NTNG1: variants seen among roughly 807,000 people sequenced by gnomAD.
NTNG1 encodes netrin G1, also known as netrin-G1.
A neutral mutation model predicts 54.0 loss-of-function variants in NTNG1; 16 were observed. The observed-to-expected ratio is 0.30, with a 90% CI of 0.20 to 0.45. NTNG1 has a LOEUF of 0.45. Ranked by LOEUF, NTNG1 falls within the 20% of genes least tolerant of loss-of-function variation. NTNG1 has a pLI of 1.00. For missense variants in NTNG1, 530 were observed against 678.7 expected (o/e 0.78, Z 2.43); for synonymous variants, 255 against 263.1 (o/e 0.97, Z 0.30).
intron 2 of NTNG1, among the ~76,000 whole-genome samples, chr1:107,213,702 T>G (rs2101401450): frequency 6.6e-6 from 1 of 152,278 alleles, no homozygotes; most frequent in African/African-American, 2.4e-5. Context: ...TGGCTATATG[T>G]CTTTGTTCTT....
intron 3 of NTNG1, among the ~76,000 whole-genome samples, chr1:107,380,495 C>T (rs1024893254): frequency 6.6e-6 from 1 of 152,032 alleles, no homozygotes; most frequent in Non-Finnish European, 1.5e-5. Context: ...TTTCTTGTAT[C>T]TCTCTCATAA....
chr1:107,269,220 G>A (rs571488491), intron 2 of NTNG1, among the ~76,000 whole-genome samples: 1 of 152,098 alleles, frequency 6.6e-6, no homozygotes, highest in Non-Finnish European at 1.5e-5. Context: ...CATCTTCAAG[G>A]ATGCCTTCAC....
At chr1:107,260,931 A>G (rs1299719909) in intron 2 of NTNG1, 1 of 152,196 alleles carries the variant, frequency 6.6e-6, no homozygotes, top group Non-Finnish European at 1.5e-5. Flanking sequence ...TCCAGCTGGG[A>G]CTACTCACCA....
intron 2 of NTNG1, among the ~76,000 whole-genome samples, chr1:107,272,032 A>C (rs1664178356): frequency 6.6e-6 from 1 of 152,194 alleles, no homozygotes; most frequent in Non-Finnish European, 1.5e-5. Flanking sequence ...AGTGATGCAG[A>C]AAACTTTTAA....
At position 107,346,884 on chromosome 1, in the gene NTNG1, T is replaced by TA. The variant is rs537482440; in HGVS notation, c.887+21987dup. On this transcript the variant is annotated intron_variant, in intron 3 of 7. Coordinates refer to ENST00000370068, the MANE Select transcript of NTNG1 (RefSeq NM_001113226.3). ...CTCTGCCATGATCTCTTTTCTATCC[T>TA]AAAAAAAAAAAAAAAAAAAAAAAAA... Among the ~76,000 whole-genome samples, 399 of 97,128 alleles carry TA rather than the reference T, an allele frequency of 4.1e-3. 3 individuals are homozygous for TA. Among genetic ancestry groups the TA allele is most frequent in the African/African-American group, 6.9e-3 (176 of 25,512 alleles). The allele number at this position is 97,128 out of a possible 152,430, so 63.7% of individuals were successfully genotyped here.
intron 2 of NTNG1, among the ~76,000 whole-genome samples, chr1:107,312,661 T>C (rs533573628): frequency 5.1e-4 from 77 of 152,248 alleles, no homozygotes; most frequent in African/African-American, 1.8e-3. Context: ...TAAATACAGG[T>C]TCCTGGGTCC....
chr1:107,349,879 C>A (rs1669498268), intron 3 of NTNG1, among the ~76,000 whole-genome samples: 1 of 151,984 alleles, frequency 6.6e-6, no homozygotes, highest in Non-Finnish European at 1.5e-5. Context: ...TTATAGATAT[C>A]CTTGTTAAGA....
intron 3 of NTNG1, among the ~76,000 whole-genome samples, chr1:107,354,169 T>C (rs1324839819): frequency 6.6e-6 from 1 of 151,960 alleles, no homozygotes; most frequent in African/African-American, 2.4e-5. Context: ...TGAATAGTTG[T>C]AGAGATATAG....
Position 107,422,395 on chromosome 1 carries a change from A to G in NTNG1, c.1088-8355A>G, listed in dbSNP as rs552336928. ...AGTTCATCTCTTTTCTGTCATGTCA[A>G]GCATGCTAGATATATAAGAGGCCTC... On this transcript the variant is annotated intron_variant, in intron 5 of 7. Coordinates refer to ENST00000370068, the MANE Select transcript of NTNG1 (RefSeq NM_001113226.3). Among the ~76,000 whole-genome samples, 4 of 152,168 alleles carry G rather than the reference A, an allele frequency of 2.6e-5. No individual in the cohort carries two copies. In the East Asian group the frequency reaches 5.8e-4, roughly 22 times the overall value.
intron 5 of NTNG1, among the ~76,000 whole-genome samples, chr1:107,422,036 T>G (rs1674605683): frequency 6.6e-6 from 1 of 152,102 alleles, no homozygotes; most frequent in Non-Finnish European, 1.5e-5. Context: ...AATGTTGAAT[T>G]TGTCCTTCCA....
intron 2 of NTNG1, among the ~76,000 whole-genome samples, chr1:107,212,677 A>T (rs1354949430): frequency 2.0e-5 from 3 of 152,178 alleles, no homozygotes; most frequent in Admixed American, 1.3e-4. Flanking sequence ...AGCCCGAACA[A>T]TCTGCCCTCC....
In NTNG1 at chr1:107,234,283, C is replaced by T. The variant is rs184782383; in HGVS notation, c.246+85444C>T. On this transcript the variant is annotated intron_variant, in intron 2 of 7. Coordinates refer to ENST00000370068, the MANE Select transcript of NTNG1 (RefSeq NM_001113226.3). ...GATTACAGATACCTGACACCAGGCC[C>T]GGCTAATTTTTATATTTTTAGTAGA... Among the ~76,000 whole-genome samples, 93 of 152,072 alleles carry T rather than the reference C, an allele frequency of 6.1e-4. 2 individuals are homozygous for T. In the East Asian group the frequency reaches 0.012, roughly 20 times the overall value.
chr1:107,189,539 A>G lies in NTNG1; in HGVS notation c.246+40700A>G, dbSNP rs537730211. 3.9e-5 allele frequency among the ~76,000 whole-genome samples: 6 copies of G among 151,962 alleles called. No individual in the cohort carries two copies. In the South Asian group the frequency reaches 6.2e-4, roughly 16 times the overall value. On this transcript the variant is annotated intron_variant, in intron 2 of 7. Transcript: ENST00000370068. ...TGTTTGCTACACAAGTATCTTTCATAGTTTGCCAATATCATTGACTCAATT... is the reference window on the plus strand; with the variant it reads ...TGTTTGCTACACAAGTATCTTTCATGGTTTGCCAATATCATTGACTCAATT...
chr1:107,384,451 A>G (rs1389153791), intron 3 of NTNG1, among the ~76,000 whole-genome samples: 2 of 152,174 alleles, frequency 1.3e-5, no homozygotes, highest in Admixed American at 1.3e-4. Flanking sequence ...CTCTCTCTAT[A>G]TATATGACCA....
At chr1:107,308,907 G>A (rs1286769716) in intron 2 of NTNG1, among the ~76,000 whole-genome samples, 1 of 152,048 alleles carries the variant, frequency 6.6e-6, no homozygotes, top group Non-Finnish European at 1.5e-5. Flanking sequence ...TTGTGCATGG[G>A]ATTGCGTACC....
At position 107,319,814 on chromosome 1, in the gene NTNG1, G is replaced by T. The variant is rs1265246272; in HGVS notation, c.247-4468G>T. On this transcript the variant is annotated intron_variant, in intron 2 of 7. Transcript: ENST00000370068. ...CATAGGTAAAGCTTGGAAAGGCAAAGTCAAAATGATAGCAACCGGAAGTGT... is the reference window on the plus strand; with the variant it reads ...CATAGGTAAAGCTTGGAAAGGCAAATTCAAAATGATAGCAACCGGAAGTGT... Among the ~76,000 whole-genome samples the T allele has an allele frequency of 3.3e-5, 5 of 151,692 alleles. No homozygotes were observed. The East Asian group carries it at 9.7e-4, about 30-fold the overall frequency.
intron 2 of NTNG1, among the ~76,000 whole-genome samples, chr1:107,166,337 C>T (rs1369229228): frequency 6.6e-6 from 1 of 152,160 alleles, no homozygotes; most frequent in Non-Finnish European, 1.5e-5. Flanking sequence ...TACCATTGTG[C>T]TGTCTGTGAA....
chr1:107,215,430 T>A (rs1256902152), intron 2 of NTNG1, among the ~76,000 whole-genome samples: 1 of 152,222 alleles, frequency 6.6e-6, no homozygotes, highest in Non-Finnish European at 1.5e-5. Flanking sequence ...TTGTCAAAGA[T>A]CAGTTGACTG....
At chr1:107,334,901 G>C (rs1329480635) in intron 3 of NTNG1, among the ~76,000 whole-genome samples, 1 of 151,948 alleles carries the variant, frequency 6.6e-6, no homozygotes, top group Non-Finnish European at 1.5e-5. Flanking sequence ...GTATGCTATG[G>C]CCACCTCTAA....
Sources: gnomAD v4.1 joint callset for allele counts (sites outside exome capture counted in the v4.1 genomes callset) on GRCh38, gnomAD v4.1.1 for gene constraint, MANE v1.5 for transcripts, NCBI Gene and HGNC (gene_info 2026-07-23, HGNC 2026-07-21) for gene names.